Variants in MTPAP observed in about 807,000 individuals in gnomAD.
MTPAP encodes the protein mitochondrial poly(A) polymerase.
Under a neutral mutation model 48.7 loss-of-function variants are expected in MTPAP, and 23 were observed. That is an observed-to-expected ratio of 0.47 (90% CI 0.34 to 0.67). The LOEUF (loss-of-function observed/expected upper bound fraction) is 0.67, where lower values mean the gene tolerates loss of function less well. Among genes scored for constraint, MTPAP ranks in the 30% least tolerant of loss-of-function variants. The pLI, the probability that MTPAP is intolerant of heterozygous loss-of-function variation, is 0.01. For synonymous variants in MTPAP, 257 were observed against 254.1 expected (o/e 1.01, Z -0.11); for missense variants, 614 against 694.3 (o/e 0.88, Z 1.30).
rs1840597144 is a variant in MTPAP at position 30,311,874 on chromosome 10, G to T, written c.*1735C>A. 1 of 152,568 alleles carries T rather than the reference G, an allele frequency of 6.6e-6. No individual in the cohort carries two copies. Among genetic ancestry groups the T allele is most frequent in the Admixed American group, 6.5e-5 (1 of 15,280 alleles). The allele number at this position is 152,568 out of a possible 1,614,324, so 9.5% of individuals were successfully genotyped here. A position where few individuals can be genotyped will look rare whatever the true frequency, so the allele number is the denominator to read the frequency against. ...GAAAGTTACTCCACAGAAGCCAGGT[G>T]CAGTGGCTCACGCCTGTAATTCCAA... On this transcript the variant is annotated 3_prime_UTR_variant, in exon 9 of 9. Transcript: ENST00000263063.
intron 5 of MTPAP, among the ~76,000 whole-genome samples, chr10:30,324,944 T>C (rs1231774389): frequency 2.6e-5 from 4 of 151,664 alleles, no homozygotes; most frequent in South Asian, 4.2e-4. Flanking sequence ...TGAGCCAAGA[T>C]TGCGGCACTG....
rs11007998 is a variant in MTPAP at position 30,337,293 on chromosome 10, G to A, written c.556-266C>T. On this transcript the variant is annotated intron_variant, in intron 3 of 8. Transcript: ENST00000263063. ...TACAAAATAAGCCGGGCGTGGTGGC[G>A]CATACCTGTAATCCCAGCTACTCAG... Among the ~76,000 whole-genome samples the A allele has an allele frequency of 0.12, 18,564 of 152,004 alleles. 2,052 individuals are homozygous for A. The highest frequency in any genetic ancestry group is 0.52 in the East Asian group (2,702 of 5,156).
chr10:30,338,890 A>G lies in MTPAP; in HGVS notation c.555+1336T>C, dbSNP rs377382225. ...TATAATCCCAGCACTTTGGGAGGCC[A>G]AGGCGGGCGGATCACAAGGTCAGGA... On this transcript the variant is annotated intron_variant, in intron 3 of 8. Coordinates refer to ENST00000263063, the MANE Select transcript of MTPAP (RefSeq NM_018109.4). Among the ~76,000 whole-genome samples, 196 of 151,960 alleles carry G rather than the reference A, an allele frequency of 1.3e-3. 2 individuals are homozygous for G. The East Asian group carries it at 0.015, about 12-fold the overall frequency.
At chr10:30,331,251 T>C (rs1393151268) in intron 4 of MTPAP, among the ~76,000 whole-genome samples, 1 of 152,256 alleles carries the variant, frequency 6.6e-6, no homozygotes, top group Admixed American at 6.5e-5. Flanking sequence ...GTGCTATTCC[T>C]ATAGCACTAT....
chr10:30,312,424 C>T lies in MTPAP; in HGVS notation c.*1185G>A, dbSNP rs895697583. 6.6e-6 allele frequency: 1 copy of T among 151,626 alleles called. No homozygotes were observed. The highest frequency in any genetic ancestry group is 2.4e-5 in the African/African-American group (1 of 41,270). 9.4% of individuals were successfully genotyped at this position (151,626 alleles called of 1,614,324 possible). On this transcript the variant is annotated 3_prime_UTR_variant, in exon 9 of 9. Transcript: ENST00000263063. ...TCTACTAAAAATACAAAAAAATTGT[C>T]CGGGCGTGGTGGCGGGCACCTATAG...
chr10:30,335,029 CTT>C (rs1834711792), intron 4 of MTPAP, among the ~76,000 whole-genome samples: 1 of 152,148 alleles, frequency 6.6e-6, no homozygotes, highest in Non-Finnish European at 1.5e-5. Context: ...ACATATAGAA[CTT>C]TTGTAAGAAC....
At chr10:30,323,451 CAA>C (rs755342499) in intron 5 of MTPAP, among the ~76,000 whole-genome samples, 955 of 84,668 alleles carry the variant, frequency 0.011, 10 homozygotes, top group African/African-American at 0.047. Flanking sequence ...GACCCTGCCT[CAA>C]AAAAAAAAAA....
At chr10:30,340,053 TTCA>T in intron 3 of MTPAP, 170 bp downstream of exon 3, 1 of 638,608 alleles carries the variant, frequency 1.6e-6, no homozygotes, top group Non-Finnish European at 2.7e-6. Flanking sequence ...AAAACTTTCC[TTCA>T]TCTCATTATG....
chr10:30,349,023 G>A (rs970596622), intron 1 of MTPAP, 96 bp downstream of exon 1: 9 of 1,569,858 alleles, frequency 5.7e-6, no homozygotes, highest in South Asian at 5.6e-5. Context: ...CTTGCCAAAG[G>A]GTCCACAGCC....
chr10:30,316,661 G>A (rs1317344789), intron 6 of MTPAP, among the ~76,000 whole-genome samples: 7 of 151,200 alleles, frequency 4.6e-5, no homozygotes, highest in Non-Finnish European at 7.4e-5. Flanking sequence ...AGGCTGAGGC[G>A]GGTAGATCAC....
intron 4 of MTPAP, among the ~76,000 whole-genome samples, chr10:30,329,338 C>T (rs1303067128): frequency 6.6e-6 from 1 of 152,110 alleles, no homozygotes; most frequent in Admixed American, 6.5e-5. Context: ...AGCAATCCTC[C>T]AGCCTCAACC....
At chr10:30,347,781 C>A (rs915285527) in intron 1 of MTPAP, among the ~76,000 whole-genome samples, 2 of 152,132 alleles carry the variant, frequency 1.3e-5, no homozygotes, top group African/African-American at 4.8e-5. Flanking sequence ...ATCCCAGCTA[C>A]TCGGGAGGCT....
chr10:30,340,792 G>A (rs763348479), intron 2 of MTPAP, among the ~76,000 whole-genome samples: 4 of 152,036 alleles, frequency 2.6e-5, no homozygotes, highest in African/African-American at 9.7e-5. Flanking sequence ...GGTGGCAGGT[G>A]TCTGTAAGTC....
rs766519361 is a variant in MTPAP, at chr10:30,349,202, G to A, written c.74C>T (p.Pro25Leu). The A allele has an allele frequency of 6.2e-7, 1 of 1,612,566 alleles. No homozygotes were observed. Among genetic ancestry groups the A allele is most frequent in the Non-Finnish European group, 8.5e-7 (1 of 1,179,762 alleles). The stretch of plus-strand genomic sequence containing the variant: ...TGGGCAACTCAAAAGCCTGACGATA[G>A]GCCGCTGGACTCGAGTTCTTCTCCG... ...CARRRTRVQRPIVRLLSCPGT... is the reference protein window; with the variant it reads ...CARRRTRVQRLIVRLLSCPGT... The change falls in exon 1 of 9, where the codon CCT becomes CTT. Residue 25 changes from proline to leucine, a missense_variant. This residue lies in a region of MTPAP where 125 missense variants were observed against 111.5 expected (regional missense o/e 1.12). Transcript: ENST00000263063.
rs193274269 is a variant in MTPAP at position 30,346,993 on chromosome 10, G to A, written c.157+2126C>T. 9.8e-4 allele frequency among the ~76,000 whole-genome samples: 149 copies of A among 152,274 alleles called. 1 individual carries two copies. Among genetic ancestry groups the A allele is most frequent in the South Asian group, 2.1e-4 (1 of 4,830 alleles). On this transcript the variant is annotated intron_variant, in intron 1 of 8. Coordinates refer to ENST00000263063, the MANE Select transcript of MTPAP (RefSeq NM_018109.4). ...AATGAAAATATCTCACACTGACCAC[G>A]TCAAACCAATTGACCTTAAAGTATG...
Position 30,313,977 on chromosome 10 carries a change from G to C in MTPAP, c.1387-6C>G, listed in dbSNP as rs753991370. On this transcript the variant is annotated splice_polypyrimidine_tract_variant and splice_region_variant and intron_variant, in intron 8 of 8. Coordinates refer to ENST00000263063, the MANE Select transcript of MTPAP (RefSeq NM_018109.4). ...GGTTTGTTTTGCTCCCTTCCCTATA[G>C]ATTATTACACAGAAGAAAAAATGAG... 1.2e-6 allele frequency: 2 copies of C among 1,612,458 alleles called. No individual in the cohort carries two copies. The highest frequency in any genetic ancestry group is 1.7e-6 in the Non-Finnish European group (2 of 1,178,966).
rs1353142409 is a variant in MTPAP at position 30,309,900 on chromosome 10, G to C, written c.*3709C>G. 6.6e-6 allele frequency: 1 copy of C among 152,172 alleles called. No homozygotes were observed. Among genetic ancestry groups the C allele is most frequent in the Admixed American group, 6.5e-5 (1 of 15,272 alleles). 9.4% of individuals were successfully genotyped at this position (152,172 alleles called of 1,614,324 possible). A position where few individuals can be genotyped will look rare whatever the true frequency, so the allele number is the denominator to read the frequency against. ...TTTCCTATAACGTTTCAGGCTAATC[G>C]TTATTTCCTAGAAAGTCTCTGGCTA... On this transcript the variant is annotated 3_prime_UTR_variant, in exon 9 of 9. Transcript: ENST00000263063.
chr10:30,343,654 G>A (rs1029486249), intron 1 of MTPAP, among the ~76,000 whole-genome samples: 9 of 151,520 alleles, frequency 5.9e-5, no homozygotes, highest in African/African-American at 1.2e-4. Flanking sequence ...TGCAATCTCC[G>A]CCTCCCAGGT....
chr10:30,313,752 G>C lies in MTPAP; in HGVS notation c.1606C>G (p.Pro536Ala), dbSNP rs2132841462. Residue 536 changes from proline (P) to alanine (A), a missense_variant, in exon 9 of 9, where the codon CCA becomes GCA. This residue lies in a region of MTPAP where 109 missense variants were observed against 100.5 expected (regional missense o/e 1.08). Transcript: ENST00000263063. ...GLVSLLLPSA[P>A]NRKSFTKKKS... ...TTCTTGGTAAAGGACTTTCTGTTTG[G>C]AGCAGATGGTAGCAATAGGGATACC... 1.9e-6 allele frequency: 3 copies of C among 1,614,106 alleles called. No individual in the cohort carries two copies. Among genetic ancestry groups the C allele is most frequent in the Non-Finnish European group, 2.5e-6 (3 of 1,180,004 alleles).
Sources: gnomAD v4.1 joint callset for allele counts (sites outside exome capture counted in the v4.1 genomes callset) on GRCh38, gnomAD v4.1.1 for gene constraint, gnomAD v4.1.1 regional missense constraint, MANE v1.5 for transcripts, NCBI Gene and HGNC (gene_info 2026-07-23, HGNC 2026-07-21) for gene names.